Variants in CDH4 observed in about 807,000 individuals in gnomAD.
The protein encoded by CDH4 is cadherin-4.
Under a neutral mutation model 86.0 loss-of-function variants are expected in CDH4, and 33 were observed. The observed-to-expected ratio is 0.38, with a 90% CI of 0.29 to 0.51. The LOEUF is 0.51. CDH4 is among the 20% of genes least tolerant of loss of function. The probability of loss-of-function intolerance (pLI) is 0.86; values close to 1 mark genes in which losing one functional copy is unlikely to be tolerated. For missense variants in CDH4, 1,114 were observed against 1,307.4 expected, an observed-to-expected ratio of 0.85 and a Z score of 2.28; for synonymous variants, 555 against 549.4, an observed-to-expected ratio of 1.01 and a Z score of -0.14.
intron 2 of CDH4, among the ~76,000 whole-genome samples, chr20:61,415,560 C>T (rs972070289): frequency 6.6e-6 from 1 of 152,060 alleles, no homozygotes; most frequent in Non-Finnish European, 1.5e-5. Flanking sequence ...CTGGCCCCCA[C>T]CATCCTATTG....
At chr20:61,601,468 C>T (rs147717194) in intron 2 of CDH4, among the ~76,000 whole-genome samples, 194 of 152,272 alleles carry the variant, frequency 1.3e-3, no homozygotes, top group African/African-American at 4.5e-3. Context: ...TGCAGATCTC[C>T]GGAGTCACCT....
intron 2 of CDH4, among the ~76,000 whole-genome samples, chr20:61,391,300 C>A (rs571144940): frequency 1.3e-5 from 2 of 152,246 alleles, no homozygotes; most frequent in Non-Finnish European, 2.9e-5. Flanking sequence ...TGGAAGCCGT[C>A]GGGGCTGGGC....
intron 2 of CDH4, among the ~76,000 whole-genome samples, chr20:61,710,877 C>G (rs929248672): frequency 6.6e-6 from 1 of 152,242 alleles, no homozygotes; most frequent in East Asian, 1.9e-4. Context: ...ATGAAGCGCG[C>G]CTGCCGGGGA....
At chr20:61,931,927 G>T (rs1329480133) in intron 13 of CDH4, among the ~76,000 whole-genome samples, 1 of 152,140 alleles carries the variant, frequency 6.6e-6, no homozygotes, top group Admixed American at 6.5e-5. Flanking sequence ...GGTGGAAAGA[G>T]CCCCTCTGAG....
chr20:61,735,030 C>T (rs1428682495), intron 2 of CDH4, among the ~76,000 whole-genome samples: 6 of 152,162 alleles, frequency 3.9e-5, no homozygotes, highest in Non-Finnish European at 7.3e-5. Context: ...CAAGCACCAT[C>T]GTCTTCCCCA....
intron 2 of CDH4, among the ~76,000 whole-genome samples, chr20:61,474,149 G>A (rs190117629): frequency 1.6e-5 from 2 of 127,282 alleles, no homozygotes; most frequent in African/African-American, 5.8e-5. Flanking sequence ...TCATGGAATA[G>A]GACTTTTTTT....
chr20:61,628,583 C>T (rs1169295837), intron 2 of CDH4, among the ~76,000 whole-genome samples: 1 of 152,244 alleles, frequency 6.6e-6, no homozygotes, highest in Non-Finnish European at 1.5e-5. Flanking sequence ...CAGGAGAACG[C>T]CGTCCACCAG....
intron 2 of CDH4, among the ~76,000 whole-genome samples, chr20:61,536,014 T>G (rs1290435687): frequency 6.6e-6 from 1 of 152,182 alleles, no homozygotes; most frequent in Non-Finnish European, 1.5e-5. Flanking sequence ...CACTGCCTGC[T>G]TCCACTCTGC....
chr20:61,273,379 G>A (rs2084197690), intron 2 of CDH4, among the ~76,000 whole-genome samples: 3 of 135,828 alleles, frequency 2.2e-5, no homozygotes, highest in South Asian at 2.6e-4. Context: ...CAGTTTAGGG[G>A]AGTACCGTGT....
intron 2 of CDH4, among the ~76,000 whole-genome samples, chr20:61,546,061 A>G (rs1387822322): frequency 1.6e-3 from 1 of 632 alleles, no homozygotes; most frequent in African/African-American, 7.2e-3. Context: ...CTGTCTGTGC[A>G]TGTGTGGAGG....
chr20:61,716,521 C>A (rs2087956627), intron 2 of CDH4, among the ~76,000 whole-genome samples: 2 of 152,244 alleles, frequency 1.3e-5, no homozygotes, highest in South Asian at 4.1e-4. Context: ...TGTCCACAGG[C>A]ACCCACTAAG....
At chr20:61,442,277 G>A (rs1465843924) in intron 2 of CDH4, among the ~76,000 whole-genome samples, 1 of 152,158 alleles carries the variant, frequency 6.6e-6, no homozygotes, top group Non-Finnish European at 1.5e-5. Flanking sequence ...AGGAAGGGCC[G>A]CATCACACCG....
chr20:61,513,820 G>C (rs1038195343), intron 2 of CDH4, among the ~76,000 whole-genome samples: 1 of 152,158 alleles, frequency 6.6e-6, no homozygotes, highest in Non-Finnish European at 1.5e-5. Context: ...GGCACCACGG[G>C]CCTGGCATCT....
At position 61,392,756 on chromosome 20, in the gene CDH4, A is replaced by G. The variant is rs1282951455; in HGVS notation, c.169+137819A>G. On this transcript the variant is annotated intron_variant, in intron 2 of 15. Coordinates refer to ENST00000614565, the MANE Select transcript of CDH4 (RefSeq NM_001794.5). The surrounding 1 kb of genome is among the most constrained non-coding windows in gnomAD (Gnocchi z 5.7). ...GACTGTTTCTCACAGTATTCATCAG[A>G]AACTCGGTATTGCACATTTATTTCC... is the stretch of plus-strand genomic sequence containing the variant. Among the ~76,000 whole-genome samples the G allele has an allele frequency of 6.6e-6, 1 of 152,184 alleles. No individual in the cohort carries two copies. The highest frequency in any genetic ancestry group is 2.4e-5 in the African/African-American group (1 of 41,438).
intron 2 of CDH4, among the ~76,000 whole-genome samples, chr20:61,312,106 T>C (rs2084448854): frequency 7.7e-6 from 1 of 129,066 alleles, no homozygotes; most frequent in Non-Finnish European, 1.6e-5. Context: ...ATGTGTGTGA[T>C]GTGTGGTGTG....
intron 2 of CDH4, among the ~76,000 whole-genome samples, chr20:61,345,707 G>C (rs540283319): frequency 6.6e-6 from 1 of 152,342 alleles, no homozygotes; most frequent in South Asian, 2.1e-4. Flanking sequence ...CCTGCACTGA[G>C]ATCCTGAATG....
intron 2 of CDH4, among the ~76,000 whole-genome samples, chr20:61,273,371 G>A (rs1418478806): frequency 7.5e-6 from 1 of 132,806 alleles, no homozygotes; most frequent in African/African-American, 2.9e-5. Context: ...ACCGTGTGCA[G>A]TTTAGGGGAG....
At chr20:61,270,195 G>A (rs973544911) in intron 2 of CDH4, among the ~76,000 whole-genome samples, 3 of 152,192 alleles carry the variant, frequency 2.0e-5, no homozygotes, top group Admixed American at 6.5e-5. Context: ...GTAAGTTACC[G>A]GCTATCGTTA....
At chr20:61,259,384 G>C (rs1249182777) in intron 2 of CDH4, among the ~76,000 whole-genome samples, 1 of 152,158 alleles carries the variant, frequency 6.6e-6, no homozygotes, top group African/African-American at 2.4e-5. Flanking sequence ...ACTCTTCCAG[G>C]GCAGACACAT....
Sources: gnomAD v4.1 joint callset for allele counts (sites outside exome capture counted in the v4.1 genomes callset) on GRCh38, gnomAD v4.1.1 for gene constraint, Gnocchi (gnomAD v3.1) non-coding constraint, MANE v1.5 for transcripts, NCBI Gene and HGNC (gene_info 2026-07-23, HGNC 2026-07-21) for gene names.